Variants in KDM4C observed in about 807,000 individuals in gnomAD.
The protein encoded by KDM4C is lysine-specific demethylase 4C.
KDM4C carries 81 observed loss-of-function variants against 129.3 expected under a neutral mutation model. The observed-to-expected ratio is 0.63, with a 90% CI of 0.52 to 0.75. The LOEUF (loss-of-function observed/expected upper bound fraction) is 0.75. Among genes scored for constraint, KDM4C ranks in the 30% least tolerant of loss-of-function variants. The pLI is 0.00. For synonymous variants in KDM4C, 573 were observed against 456.1 expected (o/e 1.26, Z -3.26); for missense variants, 1,457 against 1,304.0 (o/e 1.12, Z -1.81).
At chr9:6,757,209 G>A (rs150386845), upstream of KDM4C, among the ~76,000 whole-genome samples, 427 of 152,294 alleles carry the variant, frequency 2.8e-3, 2 homozygotes, top group African/African-American at 9.8e-3. Context: ...AGACGCTGGA[G>A]GCACCTGCAT....
At chr9:6,754,107 C>T (rs1161156413), upstream of KDM4C, among the ~76,000 whole-genome samples, 1 of 151,904 alleles carries the variant, frequency 6.6e-6, no homozygotes, top group South Asian at 2.1e-4. Flanking sequence ...ATCTCCTGAC[C>T]TCAGGTGATC....
intron 1 of KDM4C, among the ~76,000 whole-genome samples, chr9:6,775,204 A>T (rs1588175901): frequency 6.6e-6 from 1 of 151,938 alleles, no homozygotes; most frequent in East Asian, 1.9e-4. Flanking sequence ...TTTAGTAGAG[A>T]TGGGGTTTCA....
intron 18 of KDM4C, among the ~76,000 whole-genome samples, chr9:7,112,996 T>G (rs1333286866): frequency 1.3e-5 from 2 of 152,204 alleles, no homozygotes; most frequent in Admixed American, 6.5e-5. Context: ...CTTAGACTTC[T>G]ACATAATCAT....
At chr9:6,752,916 A>G (rs188463356), upstream of KDM4C, among the ~76,000 whole-genome samples, 1 of 152,312 alleles carries the variant, frequency 6.6e-6, no homozygotes, top group African/African-American at 2.4e-5. Context: ...TCAGTGATGA[A>G]AGATGTCCTG....
intron 1 of KDM4C, among the ~76,000 whole-genome samples, chr9:6,761,329 T>C (rs963973212): frequency 6.6e-6 from 1 of 151,902 alleles, no homozygotes; most frequent in Admixed American, 6.6e-5. Flanking sequence ...AGTATTAAGA[T>C]CATCCTGTTC....
chr9:6,748,928 G>C (rs747671299), intron 1 of KDM4C: 2 of 925,030 alleles, frequency 2.2e-6, no homozygotes, highest in Non-Finnish European at 3.6e-6. Flanking sequence ...AGATGAGGTT[G>C]ATGGGCTGCA....
Position 6,779,291 on chromosome 9 carries a change from C to T in KDM4C, c.-17-13681C>T, listed in dbSNP as rs182141257. Among the ~76,000 whole-genome samples, 300 of 152,262 alleles carry T rather than the reference C, an allele frequency of 2.0e-3. 2 individuals carry two copies. Among genetic ancestry groups the T allele is most frequent in the Non-Finnish European group, 2.5e-3 (169 of 68,012 alleles). On this transcript the variant is annotated intron_variant, in intron 1 of 21. Coordinates refer to ENST00000381309, the MANE Select transcript of KDM4C (RefSeq NM_015061.6). ...TCGGCCTCCCAGAGTGCTGGGATTA[C>T]AGGCGTGAGCCACCGTGCCTGGCTG...
At chr9:7,108,729 G>A (rs1837985704) in intron 18 of KDM4C, among the ~76,000 whole-genome samples, 1 of 152,152 alleles carries the variant, frequency 6.6e-6, no homozygotes, top group African/African-American at 2.4e-5. Flanking sequence ...GGGTGATGAT[G>A]GAATGGGCTA....
At position 6,832,057 on chromosome 9, in the gene KDM4C, C is replaced by A. The variant is rs76187140; in HGVS notation, c.435+17312C>A. 8.9e-3 allele frequency among the ~76,000 whole-genome samples: 1,351 copies of A among 152,126 alleles called. 29 individuals carry two copies. The highest frequency in any genetic ancestry group is 0.031 in the African/African-American group (1,290 of 41,518). On this transcript the variant is annotated intron_variant, in intron 4 of 21. Coordinates refer to ENST00000381309, the MANE Select transcript of KDM4C (RefSeq NM_015061.6). ...ATACAGTTTAAATAGTTGAATTTGT[C>A]GGCTGGGTGCGGTGGTCATGCCTGT...
intron 1 of KDM4C, among the ~76,000 whole-genome samples, chr9:6,761,833 A>T (rs1401034822): frequency 1.3e-5 from 2 of 151,866 alleles, no homozygotes; most frequent in African/African-American, 4.8e-5. Flanking sequence ...TCTTTTTGAG[A>T]TGGAGTCTCC....
chr9:7,041,098 C>T (rs1400572052), intron 15 of KDM4C, among the ~76,000 whole-genome samples: 4 of 151,478 alleles, frequency 2.6e-5, no homozygotes, highest in Non-Finnish European at 5.9e-5. Flanking sequence ...ACATATGGCC[C>T]TCTGTATCCA....
intron 1 of KDM4C, among the ~76,000 whole-genome samples, chr9:6,752,531 C>T (rs868169055): frequency 4.6e-4 from 69 of 150,562 alleles, no homozygotes; most frequent in African/African-American, 1.6e-3. Flanking sequence ...CTGCCTCAGC[C>T]TCCTGAGTAG....
At chr9:7,083,995 A>T (rs1160034866) in intron 17 of KDM4C, among the ~76,000 whole-genome samples, 1 of 152,182 alleles carries the variant, frequency 6.6e-6, no homozygotes, top group Non-Finnish European at 1.5e-5. Flanking sequence ...TCAAATTATC[A>T]TCTTTGGATC....
intron 15 of KDM4C, among the ~76,000 whole-genome samples, chr9:7,039,874 C>G (rs1298875741): frequency 2.0e-5 from 3 of 152,036 alleles, no homozygotes; most frequent in African/African-American, 7.2e-5. Flanking sequence ...CCATGCAGTT[C>G]AAGCTTACAT....
chr9:6,793,520 A>G (rs867228697), intron 2 of KDM4C, among the ~76,000 whole-genome samples: 6 of 148,556 alleles, frequency 4.0e-5, no homozygotes, highest in African/African-American at 9.9e-5. Context: ...CTTTCCTTCT[A>G]TGTTTTTTCT....
chr9:6,762,921 T>C (rs1396094412), intron 1 of KDM4C, among the ~76,000 whole-genome samples: 1 of 151,864 alleles, frequency 6.6e-6, no homozygotes, highest in Non-Finnish European at 1.5e-5. Flanking sequence ...CCCTCCCAAA[T>C]TACTGGGGGA....
At chr9:7,141,217 T>C (rs1393071272) in intron 19 of KDM4C, among the ~76,000 whole-genome samples, 3 of 152,248 alleles carry the variant, frequency 2.0e-5, no homozygotes, top group African/African-American at 7.2e-5. Flanking sequence ...TCATGGGTTC[T>C]TAGTTTCTAT....
At chr9:7,172,218 C>A (rs550300515) in intron 21 of KDM4C, among the ~76,000 whole-genome samples, 1 of 152,130 alleles carries the variant, frequency 6.6e-6, no homozygotes, top group East Asian at 1.9e-4. Flanking sequence ...TTAATGACTT[C>A]GGCTCACCCA....
At chr9:7,167,412 A>T (rs77748420) in intron 20 of KDM4C, among the ~76,000 whole-genome samples, 44 of 152,260 alleles carry the variant, frequency 2.9e-4, no homozygotes, top group Non-Finnish European at 4.9e-4. Flanking sequence ...TGTCTTTTCG[A>T]TGTTTTAAGT....
Sources: allele counts gnomAD v4.1 joint callset (sites outside exome capture counted in the v4.1 genomes callset), GRCh38; gene constraint gnomAD v4.1.1; transcripts MANE v1.5; gene names NCBI Gene and HGNC (gene_info 2026-07-23, HGNC 2026-07-21).